ROBO2: variants seen among roughly 807,000 people sequenced by gnomAD.
The protein encoded by ROBO2 is roundabout guidance receptor 2, also known as roundabout homolog 2.
Under a neutral mutation model 160.8 loss-of-function variants are expected in ROBO2, and 53 were observed. The observed-to-expected ratio is 0.33, with a 90% CI of 0.26 to 0.41. The LOEUF is 0.41. Among genes scored for constraint, ROBO2 ranks in the 10% least tolerant of loss-of-function variants. The pLI, the probability that ROBO2 is intolerant of heterozygous loss-of-function variation, is 1.00. For missense variants in ROBO2, 1,577 were observed against 1,722.4 expected (o/e 0.92, Z 1.49); for synonymous variants, 664 against 611.7 (o/e 1.09, Z -1.26).
chr3:77,295,970 A>C (rs1226239410), intron 2 of ROBO2, among the ~76,000 whole-genome samples: 1 of 117,448 alleles, frequency 8.5e-6, no homozygotes, highest in African/African-American at 2.9e-5. Flanking sequence ...AGGCTAGATC[A>C]CTCCAGGCAT....
At chr3:76,319,052 A>G (rs2072286998) in intron 2 of ROBO2, among the ~76,000 whole-genome samples, 1 of 152,102 alleles carries the variant, frequency 6.6e-6, no homozygotes, top group East Asian at 1.9e-4. Flanking sequence ...AAGAAAATAA[A>G]CATATTACAT....
At chr3:77,054,254 C>G (rs1323099719) in intron 1 of ROBO2, among the ~76,000 whole-genome samples, 1 of 152,134 alleles carries the variant, frequency 6.6e-6, no homozygotes. Context: ...TGTCAGTATA[C>G]AGCAAAGCCC....
intron 2 of ROBO2, among the ~76,000 whole-genome samples, chr3:76,013,479 T>TC (rs2107623709): frequency 6.7e-6 from 1 of 149,934 alleles, no homozygotes; most frequent in Admixed American, 6.7e-5. Flanking sequence ...ATGCATGTAA[T>TC]CCCAGAAGTA....
At chr3:76,882,672 A>G (rs576968275) in intron 2 of ROBO2, among the ~76,000 whole-genome samples, 11 of 152,220 alleles carry the variant, frequency 7.2e-5, no homozygotes, top group Non-Finnish European at 1.3e-4. Flanking sequence ...CAGTAAGGTT[A>G]TATGCTTTTA....
chr3:77,244,228 G>GT (rs2089423790), intron 2 of ROBO2, among the ~76,000 whole-genome samples: 1 of 152,178 alleles, frequency 6.6e-6, no homozygotes, highest in African/African-American at 2.4e-5. Context: ...TCATGTTTTA[G>GT]TGGGGGAAAT....
chr3:77,596,544 C>T lies in ROBO2; in HGVS notation c.2727-79C>T, dbSNP rs191236324. The T allele has an allele frequency of 4.5e-5, 69 of 1,549,970 alleles. 1 individual carries two copies. Among genetic ancestry groups the T allele is most frequent in the South Asian group, 2.9e-4 (26 of 88,966 alleles). On this transcript the variant is annotated intron_variant, in intron 18 of 25. Transcript: ENST00000461745. ...TCAATGAAAATCTTCCATTTCTTAA[C>T]GCTTTATATTGCATGAGACGAGTGT...
intron 2 of ROBO2, among the ~76,000 whole-genome samples, chr3:76,150,290 A>T (rs1485243367): frequency 6.7e-6 from 1 of 150,356 alleles, no homozygotes; most frequent in Non-Finnish European, 1.5e-5. Context: ...ATCTGTCTAA[A>T]ACACACATCT....
chr3:77,471,544 G>A (rs1237844055), intron 2 of ROBO2, among the ~76,000 whole-genome samples: 2 of 152,150 alleles, frequency 1.3e-5, no homozygotes, highest in African/African-American at 4.8e-5. Flanking sequence ...CTGCAACATG[G>A]CACCGTGCAT....
chr3:76,831,437 CTAAA>C (rs1217867509), intron 2 of ROBO2, among the ~76,000 whole-genome samples: 3 of 152,138 alleles, frequency 2.0e-5, no homozygotes, highest in Non-Finnish European at 4.4e-5. Context: ...GCTAGACTAT[CTAAA>C]TATGTGAATT....
intron 2 of ROBO2, among the ~76,000 whole-genome samples, chr3:76,818,056 G>A (rs1054233449): frequency 1.3e-5 from 2 of 151,954 alleles, no homozygotes; most frequent in Non-Finnish European, 2.9e-5. Flanking sequence ...TCTATTTTTA[G>A]TTCTTTAAGG....
intron 2 of ROBO2, among the ~76,000 whole-genome samples, chr3:77,220,224 C>T (rs2085604824): frequency 6.6e-6 from 1 of 152,052 alleles, no homozygotes; most frequent in African/African-American, 2.4e-5. Flanking sequence ...ATTGTCCAGG[C>T]TGGTCTCGAA....
At chr3:77,039,961 C>T (rs1483116587) in exon 1 of ROBO2, 7 of 328,990 alleles carry the variant, frequency 2.1e-5, no homozygotes, top group African/African-American at 2.2e-5. Context: ...GGCTCTCACG[C>T]CCGTCTCTGC....
chr3:77,607,971 T>C lies in ROBO2; in HGVS notation c.3293+17T>C, dbSNP rs139050492. The C allele has an allele frequency of 2.2e-4, 356 of 1,613,698 alleles. 1 individual carries two copies. In the African/African-American group the frequency reaches 4.3e-3, roughly 20 times the overall value. ...AGAAAATGGGTAAAGATATTTTATA[T>C]ACTAGCAAAATGGCCAGGGCTCTCC... On this transcript the variant is annotated intron_variant, in intron 21 of 25. Coordinates refer to ENST00000461745, the Ensembl canonical transcript of ROBO2.
chr3:77,164,912 A>G, intron 2 of ROBO2, among the ~76,000 whole-genome samples: 1 of 104,880 alleles, frequency 9.5e-6, no homozygotes, highest in African/African-American at 3.2e-5. Context: ...CCGCCCGGCC[A>G]GCCGCCCCGT....
chr3:76,415,243 T>C (rs2075706212), intron 2 of ROBO2, among the ~76,000 whole-genome samples: 2 of 152,114 alleles, frequency 1.3e-5, no homozygotes, highest in Admixed American at 6.6e-5. Context: ...TCTGAGGCAA[T>C]GGGACTTCAA....
chr3:77,180,479 TG>T (rs1399666135), intron 2 of ROBO2, among the ~76,000 whole-genome samples: 1 of 142,780 alleles, frequency 7.0e-6, no homozygotes, highest in Non-Finnish European at 1.5e-5. Flanking sequence ...TGTGTCGCCC[TG>T]GCTAGAGTGC....
At chr3:75,972,743 G>A (rs2107372805) in intron 2 of ROBO2, among the ~76,000 whole-genome samples, 1 of 151,736 alleles carries the variant, frequency 6.6e-6, no homozygotes, top group South Asian at 2.1e-4. Context: ...AAACTCAGGA[G>A]ATCTCAGCAA....
intron 2 of ROBO2, among the ~76,000 whole-genome samples, chr3:75,983,948 C>T (rs1358196028): frequency 6.6e-6 from 1 of 151,426 alleles, no homozygotes; most frequent in African/African-American, 2.4e-5. Flanking sequence ...TCTGCCCGAT[C>T]CTTTGCTCAC....
chr3:76,003,258 A>G (rs986080115), intron 2 of ROBO2, among the ~76,000 whole-genome samples: 2 of 152,186 alleles, frequency 1.3e-5, no homozygotes, highest in Admixed American at 6.5e-5. Context: ...GGACATAACT[A>G]CCAACATGCC....
Sources: allele counts gnomAD v4.1 joint callset (sites outside exome capture counted in the v4.1 genomes callset), GRCh38; gene constraint gnomAD v4.1.1; transcripts MANE v1.5; gene names NCBI Gene and HGNC (gene_info 2026-07-23, HGNC 2026-07-21).